Variants in CEP112 observed in about 807,000 individuals in gnomAD.
CEP112 encodes the protein centrosomal protein of 112 kDa.
A neutral mutation model predicts 153.0 loss-of-function variants in CEP112; 127 were observed. The observed-to-expected ratio is 0.83, with a 90% confidence interval of 0.72 to 0.96. The LOEUF is 0.96. CEP112 is among the 40% of genes least tolerant of loss of function. CEP112 has a pLI of 0.00. For missense variants in CEP112, 1,089 were observed against 1,101.2 expected, an observed-to-expected ratio of 0.99 and a Z score of 0.16; for synonymous variants, 358 against 374.4, an observed-to-expected ratio of 0.96 and a Z score of 0.51.
chr17:66,050,368 G>A (rs1349313761), intron 12 of CEP112, among the ~76,000 whole-genome samples: 1 of 152,110 alleles, frequency 6.6e-6, no homozygotes, highest in Non-Finnish European at 1.5e-5. Context: ...AGAGCCTCAA[G>A]GACTCCCAGG....
intron 16 of CEP112, among the ~76,000 whole-genome samples, chr17:66,025,984 C>CACACA (rs2065192312): frequency 1.1e-5 from 1 of 94,342 alleles, no homozygotes; most frequent in African/African-American, 4.3e-5. Flanking sequence ...ACACACACAC[C>CACACA]CCATTTGTAT....
At chr17:65,639,946 T>C (rs1055664978) in intron 25 of CEP112, among the ~76,000 whole-genome samples, 2 of 144,972 alleles carry the variant, frequency 1.4e-5, no homozygotes, top group Admixed American at 7.0e-5. Flanking sequence ...CAAGTGATTC[T>C]CCTGCCTCAG....
chr17:65,710,562 G>A (rs970871085), intron 23 of CEP112, among the ~76,000 whole-genome samples: 1 of 152,116 alleles, frequency 6.6e-6, no homozygotes, highest in African/African-American at 2.4e-5. Context: ...TAAATGGTAT[G>A]TTTAACACCA....
intron 4 of CEP112, among the ~76,000 whole-genome samples, chr17:66,158,024 T>C (rs2071524153): frequency 6.6e-6 from 1 of 152,170 alleles, no homozygotes; most frequent in Non-Finnish European, 1.5e-5. Flanking sequence ...AACTCAGCTC[T>C]GGACCAAATG....
intron 23 of CEP112, among the ~76,000 whole-genome samples, chr17:65,700,035 C>A (rs2048543969): frequency 6.6e-6 from 1 of 152,098 alleles, no homozygotes; most frequent in African/African-American, 2.4e-5. Flanking sequence ...AAATCCTTCC[C>A]TTTGACACCA....
chr17:66,102,549 G>A (rs1258562654), intron 6 of CEP112, among the ~76,000 whole-genome samples: 2 of 151,974 alleles, frequency 1.3e-5, no homozygotes, highest in African/African-American at 4.8e-5. Flanking sequence ...TGTAATCCCA[G>A]AACTTTGGGA....
At chr17:65,941,020 T>C (rs2061490209) in intron 18 of CEP112, among the ~76,000 whole-genome samples, 1 of 152,114 alleles carries the variant, frequency 6.6e-6, no homozygotes, top group African/African-American at 2.4e-5. Context: ...TATACAATTA[T>C]GATTTGTCAA....
chr17:65,721,342 A>G (rs73336883), intron 23 of CEP112, among the ~76,000 whole-genome samples: 3,270 of 152,222 alleles, frequency 0.021, 133 homozygotes, highest in African/African-American at 0.075. Flanking sequence ...AACGCAACAC[A>G]TGGAAGATAA....
intron 21 of CEP112, among the ~76,000 whole-genome samples, chr17:65,848,067 T>G (rs1290642579): frequency 6.6e-6 from 1 of 152,192 alleles, no homozygotes; most frequent in African/African-American, 2.4e-5. Context: ...CCATCAATGA[T>G]CTCTGATTCT....
chr17:65,899,617 C>T (rs1461725041), intron 20 of CEP112, among the ~76,000 whole-genome samples: 2 of 152,034 alleles, frequency 1.3e-5, no homozygotes, highest in Non-Finnish European at 2.9e-5. Flanking sequence ...AATCAGCATA[C>T]AATGTACTAC....
chr17:66,075,869 A>G (rs2067473448), intron 8 of CEP112, among the ~76,000 whole-genome samples: 1 of 152,168 alleles, frequency 6.6e-6, no homozygotes, highest in Admixed American at 6.5e-5. Flanking sequence ...GAGACACCCC[A>G]AATACTGTGA....
chr17:65,796,508 G>A lies in CEP112; in HGVS notation c.2395-45784C>T, dbSNP rs149093174. ...ATATAAACATTTAAATTTCTTCTAC[G>A]TAGAAATCAGATACTAAACTCTATT... On this transcript the variant is annotated intron_variant, in intron 21 of 26. Coordinates refer to ENST00000535342, the MANE Select transcript of CEP112 (RefSeq NM_001199165.4). 2.3e-3 allele frequency among the ~76,000 whole-genome samples: 349 copies of A among 152,114 alleles called. 3 individuals carry two copies. Among genetic ancestry groups the A allele is most frequent in the African/African-American group, 8.1e-3 (335 of 41,500 alleles).
At chr17:65,856,346 T>C (rs1399307030) in intron 20 of CEP112, among the ~76,000 whole-genome samples, 5 of 152,184 alleles carry the variant, frequency 3.3e-5, no homozygotes, top group African/African-American at 9.6e-5. Context: ...TGACAACATC[T>C]AAATAATAGA....
intron 2 of CEP112, among the ~76,000 whole-genome samples, chr17:66,179,771 T>C (rs1170442833): frequency 1.3e-5 from 2 of 152,200 alleles, no homozygotes; most frequent in African/African-American, 4.8e-5. Flanking sequence ...ATTCCAGATC[T>C]TAAAGGAAAG....
chr17:65,946,169 A>G (rs2061643048), intron 18 of CEP112, among the ~76,000 whole-genome samples: 1 of 152,180 alleles, frequency 6.6e-6, no homozygotes, highest in Non-Finnish European at 1.5e-5. Flanking sequence ...GATGAATAGA[A>G]GTTCTTAATT....
At chr17:66,183,149 G>GA (rs756011898) in intron 2 of CEP112, 45 bp downstream of exon 2, 4 of 1,335,116 alleles carry the variant, frequency 3.0e-6, no homozygotes, top group East Asian at 4.8e-5. Context: ...ATAATATAAA[G>GA]AAAAAAATTA....
chr17:65,923,526 C>T (rs979336131), intron 19 of CEP112, among the ~76,000 whole-genome samples: 3 of 152,100 alleles, frequency 2.0e-5, no homozygotes, highest in South Asian at 4.1e-4. Flanking sequence ...GCCTGGGAGA[C>T]AGAGCAAGAC....
At chr17:65,908,989 A>C (rs898802011) in intron 19 of CEP112, among the ~76,000 whole-genome samples, 16 of 152,228 alleles carry the variant, frequency 1.1e-4, no homozygotes, top group African/African-American at 3.1e-4. Context: ...AGTCCTGGTA[A>C]CTGTTTTACA....
intron 18 of CEP112, among the ~76,000 whole-genome samples, chr17:65,955,316 G>C (rs780677884): frequency 5.3e-5 from 8 of 152,130 alleles, no homozygotes; most frequent in Non-Finnish European, 8.8e-5. Context: ...CAAATGCGGA[G>C]AGAATTCGCC....
Sources: gnomAD v4.1 joint callset for allele counts (sites outside exome capture counted in the v4.1 genomes callset) on GRCh38, gnomAD v4.1.1 for gene constraint, MANE v1.5 for transcripts, NCBI Gene and HGNC (gene_info 2026-07-23, HGNC 2026-07-21) for gene names.